Variants in CUX2 observed in about 807,000 individuals in gnomAD.
CUX2 encodes cut like homeobox 2, also known as homeobox protein cut-like 2.
Under a neutral mutation model 144.8 loss-of-function variants are expected in CUX2, and 40 were observed. The observed-to-expected ratio is 0.28, with a 90% CI of 0.21 to 0.36. The LOEUF (loss-of-function observed/expected upper bound fraction) is 0.36. Ranked by LOEUF, CUX2 falls within the 10% of genes least tolerant of loss-of-function variation. The pLI is 1.00. For synonymous variants in CUX2, 827 were observed against 875.6 expected, an observed-to-expected ratio of 0.94 and a Z score of 0.98; for missense variants, 1,615 against 1,994.0, an observed-to-expected ratio of 0.81 and a Z score of 3.62.
intron 3 of CUX2, among the ~76,000 whole-genome samples, chr12:111,223,369 T>G (rs1484923715): frequency 1.3e-5 from 2 of 152,214 alleles, no homozygotes; most frequent in African/African-American, 4.8e-5. Context: ...ATTGACACCC[T>G]GCCCCGATGA....
chr12:111,181,018 T>G (rs1879134515), intron 1 of CUX2, among the ~76,000 whole-genome samples: 1 of 152,218 alleles, frequency 6.6e-6, no homozygotes, highest in Non-Finnish European at 1.5e-5. Flanking sequence ...GCATTTATTA[T>G]CGACTGCGCC....
chr12:111,064,650 G>A (rs1870947606), intron 1 of CUX2, among the ~76,000 whole-genome samples: 1 of 152,204 alleles, frequency 6.6e-6, no homozygotes, highest in Non-Finnish European at 1.5e-5. Flanking sequence ...CCCAAGTTAA[G>A]AGCTCCTACT....
chr12:111,202,034 G>C (rs931344919), intron 1 of CUX2, among the ~76,000 whole-genome samples: 6 of 152,216 alleles, frequency 3.9e-5, no homozygotes, highest in Non-Finnish European at 8.8e-5. Flanking sequence ...CATGCAGTAG[G>C]CGTTCAGCTT....
chr12:111,044,990 C>T (rs77722138), intron 1 of CUX2, among the ~76,000 whole-genome samples: 2 of 152,226 alleles, frequency 1.3e-5, no homozygotes, highest in African/African-American at 4.8e-5. Context: ...TGCTGGAAGG[C>T]TGCAGGCCAT....
chr12:111,270,328 T>C (rs1261655296), intron 4 of CUX2: 1 of 152,224 alleles, frequency 6.6e-6, no homozygotes, highest in Non-Finnish European at 1.5e-5. Context: ...CACAGATCTT[T>C]GGCAGAGAAT....
At chr12:111,264,456 C>T (rs968045055) in intron 4 of CUX2, among the ~76,000 whole-genome samples, 5 of 152,104 alleles carry the variant, frequency 3.3e-5, no homozygotes, top group African/African-American at 4.8e-5. Context: ...CATGGAGGGC[C>T]GGGTACAGGG....
intron 9 of CUX2, among the ~76,000 whole-genome samples, chr12:111,299,475 G>A (rs936065388): frequency 9.2e-5 from 14 of 152,110 alleles, no homozygotes; most frequent in Non-Finnish European, 1.8e-4. Flanking sequence ...ATGTCCCTGG[G>A]AAGCCACCAG....
At chr12:111,149,894 T>C (rs1180209636) in intron 1 of CUX2, among the ~76,000 whole-genome samples, 2 of 152,196 alleles carry the variant, frequency 1.3e-5, no homozygotes, top group Admixed American at 1.3e-4. Context: ...AATTGGTTTA[T>C]TTTGCTACAA....
intron 1 of CUX2, among the ~76,000 whole-genome samples, chr12:111,131,032 A>C (rs1396633787): frequency 6.6e-6 from 1 of 152,194 alleles, no homozygotes; most frequent in Non-Finnish European, 1.5e-5. Context: ...AGCACACCTC[A>C]TGGGTCACTT....
Position 111,320,603 on chromosome 12 carries a change from T to C in CUX2, c.2594T>C (p.Leu865Pro), listed in dbSNP as rs1241029070. 1 of 1,551,984 alleles carries C rather than the reference T, an allele frequency of 6.4e-7. No individual in the cohort carries two copies. Among genetic ancestry groups the C allele is most frequent in the South Asian group, 1.2e-5 (1 of 85,924 alleles). ...EGATAEAGAR[L>P]PYYPAYVPRT... ...GCGACGGCCGAGGCGGGCGCGCGGC[T>C]GCCCTACTACCCGGCCTACGTGCCG... The change falls in exon 17 of 22, where the codon CTG (leucine) becomes CCG (proline). Residue 865 changes from leucine (L) to proline (P), a missense_variant. This residue lies in a region of CUX2 where 390 missense variants were observed against 387.1 expected (regional missense o/e 1.01). Transcript: ENST00000261726. This position sits in a 1 kb window ranked among gnomAD's most constrained non-coding sequence, Gnocchi z 8.1.
chr12:111,278,113 T>G (rs1884965216), intron 4 of CUX2, among the ~76,000 whole-genome samples: 1 of 152,174 alleles, frequency 6.6e-6, no homozygotes, highest in South Asian at 2.1e-4. Flanking sequence ...CAGTCCCTGT[T>G]CCATGTAACA....
In CUX2 at chr12:111,039,297, G is replaced by A. The variant is rs1869621644; in HGVS notation, c.63+5057G>A. 6.6e-6 allele frequency among the ~76,000 whole-genome samples: 1 copy of A among 152,042 alleles called. No homozygotes were observed. Among genetic ancestry groups the A allele is most frequent in the Non-Finnish European group, 1.5e-5 (1 of 68,012 alleles). On this transcript the variant is annotated intron_variant, in intron 1 of 21. Coordinates refer to ENST00000261726, the MANE Select transcript of CUX2 (RefSeq NM_015267.4). The surrounding 1 kb of genome is among the most constrained non-coding windows in gnomAD (Gnocchi z 4.2). Reference sequence around the variant, plus strand: ...TCTTCTGTTTGATATTTTTCCTCTGGGGGTGCTCATTATTTATGATGGTGT... The same window carrying A: ...TCTTCTGTTTGATATTTTTCCTCTGAGGGTGCTCATTATTTATGATGGTGT...
chr12:111,247,301 C>T (rs1443775002), intron 3 of CUX2, among the ~76,000 whole-genome samples: 1 of 152,192 alleles, frequency 6.6e-6, no homozygotes, highest in Non-Finnish European at 1.5e-5. Context: ...CCGGGGCTGT[C>T]TCCAGCCACA....
chr12:111,233,822 G>T (rs1882600769), intron 3 of CUX2, among the ~76,000 whole-genome samples: 1 of 152,144 alleles, frequency 6.6e-6, no homozygotes, highest in African/African-American at 2.4e-5. Context: ...AGTCAAAATG[G>T]GCTCGTTTCT....
At chr12:111,247,327 C>T (rs1294410667) in intron 3 of CUX2, among the ~76,000 whole-genome samples, 1 of 152,218 alleles carries the variant, frequency 6.6e-6, no homozygotes, top group African/African-American at 2.4e-5. Flanking sequence ...CAGATACGTC[C>T]AGAAAGGACG....
At chr12:111,041,898 C>A (rs1256766789) in intron 1 of CUX2, among the ~76,000 whole-genome samples, 1 of 152,182 alleles carries the variant, frequency 6.6e-6, no homozygotes, top group Non-Finnish European at 1.5e-5. Flanking sequence ...CATGAAGATA[C>A]CCGGTTAGTA....
At chr12:111,091,081 A>C (rs1168186441) in intron 1 of CUX2, among the ~76,000 whole-genome samples, 2 of 152,186 alleles carry the variant, frequency 1.3e-5, no homozygotes, top group Non-Finnish European at 2.9e-5. Flanking sequence ...ACCTTGAGCC[A>C]GGAATTCAGT....
chr12:111,069,403 C>G (rs944014210), intron 1 of CUX2, among the ~76,000 whole-genome samples: 1 of 152,022 alleles, frequency 6.6e-6, no homozygotes, highest in Non-Finnish European at 1.5e-5. Context: ...TTCCATACTT[C>G]GTCTGTCCAG....
chr12:111,113,139 A>G (rs949207463), intron 1 of CUX2, among the ~76,000 whole-genome samples: 1 of 152,098 alleles, frequency 6.6e-6, no homozygotes, highest in African/African-American at 2.4e-5. Context: ...TTAATAGAGT[A>G]GGAGTGATGG....
Sources: allele counts gnomAD v4.1 joint callset (sites outside exome capture counted in the v4.1 genomes callset), GRCh38; gene constraint gnomAD v4.1.1; regional missense constraint gnomAD v4.1.1; non-coding constraint Gnocchi (gnomAD v3.1); transcripts MANE v1.5; gene names NCBI Gene and HGNC (gene_info 2026-07-23, HGNC 2026-07-21).